LRRC49: variants seen among roughly 807,000 people sequenced by gnomAD.
LRRC49 encodes leucine rich repeat containing 49.
In LRRC49, 50 loss-of-function variants were observed where a neutral mutation model predicts 83.3. The observed-to-expected ratio is 0.60, with a 90% CI of 0.48 to 0.76. The LOEUF (loss-of-function observed/expected upper bound fraction) is 0.76, where lower values mean the gene tolerates loss of function less well. Among genes scored for constraint, LRRC49 ranks in the 30% least tolerant of loss-of-function variants. The probability of loss-of-function intolerance (pLI) is 0.00; values close to 1 mark genes in which losing one functional copy is unlikely to be tolerated. For synonymous variants in LRRC49, 286 were observed against 283.3 expected, an observed-to-expected ratio of 1.01 and a Z score of -0.10; for missense variants, 704 against 809.1, an observed-to-expected ratio of 0.87 and a Z score of 1.58.
intron 2 of LRRC49, among the ~76,000 whole-genome samples, chr15:70,876,748 A>G (rs143211717): frequency 6.6e-6 from 1 of 152,254 alleles, no homozygotes; most frequent in Non-Finnish European, 1.5e-5. Context: ...TCCTCACTCT[A>G]GGTCAATATT....
intron 11 of LRRC49, among the ~76,000 whole-genome samples, chr15:70,999,384 A>G (rs1398644102): frequency 6.6e-6 from 1 of 151,908 alleles, no homozygotes; most frequent in Non-Finnish European, 1.5e-5. Flanking sequence ...TGAAGACTGT[A>G]TTATTTAGCA....
chr15:70,952,068 A>T (rs978909514), intron 8 of LRRC49, among the ~76,000 whole-genome samples: 1 of 152,110 alleles, frequency 6.6e-6, no homozygotes, highest in Non-Finnish European at 1.5e-5. Context: ...AATCACATTT[A>T]TTGATTTGTG....
intron 14 of LRRC49, among the ~76,000 whole-genome samples, chr15:71,034,688 T>TGCCATGGAATAC (rs1398367124): frequency 1.3e-5 from 2 of 152,142 alleles, no homozygotes; most frequent in Non-Finnish European, 2.9e-5. Flanking sequence ...CCATGGAATA[T>TGCCATGGAATAC]GCCATGGAAT....
At chr15:71,003,918 C>T (rs555943122) in intron 11 of LRRC49, among the ~76,000 whole-genome samples, 1 of 152,266 alleles carries the variant, frequency 6.6e-6, no homozygotes, top group South Asian at 2.1e-4. Flanking sequence ...GTCTCTTACT[C>T]ATCCCCTACA....
intron 11 of LRRC49, among the ~76,000 whole-genome samples, chr15:70,990,817 GCC>G (rs2037850438): frequency 1.3e-5 from 2 of 152,152 alleles, no homozygotes; most frequent in African/African-American, 4.8e-5. Flanking sequence ...GTGTTTTTCT[GCC>G]CTAACACCAA....
intron 15 of LRRC49, among the ~76,000 whole-genome samples, chr15:71,044,635 A>C (rs531937425): frequency 6.6e-6 from 1 of 151,734 alleles, no homozygotes; most frequent in Non-Finnish European, 1.5e-5. Flanking sequence ...CAAAAAATAA[A>C]ATTAGCTGGG....
chr15:70,855,960 G>A (rs770962561), intron 1 of LRRC49, among the ~76,000 whole-genome samples: 4 of 152,068 alleles, frequency 2.6e-5, no homozygotes, highest in Non-Finnish European at 5.9e-5. Context: ...TGATAATTTC[G>A]GTTCCTGAAT....
rs190497351 is a variant in LRRC49 at position 70,893,081 on chromosome 15, T to G, written c.48+139T>G. The G allele has an allele frequency of 1.2e-4, 119 of 969,072 alleles. No homozygotes were observed. The African/African-American group carries it at 1.8e-3, about 15-fold the overall frequency. 60.0% of individuals were successfully genotyped at this position (969,072 alleles called of 1,614,324 possible). ...GCTATTGTCTGACCAGGGTTTGAGG[T>G]TCGTGGGCTGGACCAAGGCACAATT... is the stretch of plus-strand genomic sequence containing the variant. On this transcript the variant is annotated intron_variant, in intron 1 of 15. Transcript: ENST00000260382.
intron 7 of LRRC49, among the ~76,000 whole-genome samples, chr15:70,930,330 A>G (rs2035360286): frequency 6.6e-6 from 1 of 152,198 alleles, no homozygotes; most frequent in Admixed American, 6.5e-5. Flanking sequence ...TTTTGAAAGG[A>G]AAATTTTTTC....
chr15:70,912,724 T>A (rs1300083862), intron 6 of LRRC49, among the ~76,000 whole-genome samples: 1 of 152,170 alleles, frequency 6.6e-6, no homozygotes, highest in Admixed American at 6.5e-5. Flanking sequence ...TCGCCCAGGC[T>A]GGAGTGCAGT....
chr15:70,934,142 T>C (rs1413807004), intron 7 of LRRC49, among the ~76,000 whole-genome samples: 1 of 152,192 alleles, frequency 6.6e-6, no homozygotes, highest in Non-Finnish European at 1.5e-5. Context: ...ATCTTATATA[T>C]ATCCCATCTT....
At chr15:71,024,550 C>A (rs2039098236) in intron 14 of LRRC49, among the ~76,000 whole-genome samples, 2 of 151,798 alleles carry the variant, frequency 1.3e-5, no homozygotes, top group African/African-American at 4.8e-5. Flanking sequence ...AGGAAAGCAA[C>A]AACAACAACA....
intron 1 of LRRC49, among the ~76,000 whole-genome samples, chr15:70,858,147 GT>G (rs1380086380): frequency 1.3e-5 from 2 of 152,128 alleles, no homozygotes; most frequent in Non-Finnish European, 2.9e-5. Flanking sequence ...TAATAAATCA[GT>G]TTTTTTCTAG....
At chr15:71,044,273 A>G (rs138777791) in intron 15 of LRRC49, among the ~76,000 whole-genome samples, 1 of 152,300 alleles carries the variant, frequency 6.6e-6, no homozygotes, top group African/African-American at 2.4e-5. Context: ...AAATCTGTAC[A>G]TACTTTTAAG....
At chr15:70,946,633 T>C (rs1339850963) in intron 8 of LRRC49, among the ~76,000 whole-genome samples, 1 of 152,134 alleles carries the variant, frequency 6.6e-6, no homozygotes, top group African/African-American at 2.4e-5. Context: ...GTTCATATGG[T>C]AGCTCTAATT....
At chr15:70,939,751 C>T (rs768422851) in intron 8 of LRRC49, among the ~76,000 whole-genome samples, 3 of 151,866 alleles carry the variant, frequency 2.0e-5, no homozygotes, top group South Asian at 2.1e-4. Context: ...TCTTCTCTGC[C>T]GGAATGACCT....
chr15:70,990,211 TG>T (rs1383827332), intron 11 of LRRC49, among the ~76,000 whole-genome samples: 2 of 152,164 alleles, frequency 1.3e-5, no homozygotes, highest in Non-Finnish European at 2.9e-5. Context: ...GCTGTCTTTT[TG>T]TTTGTCTGTG....
chr15:71,049,675 G>C lies in LRRC49; in HGVS notation c.*63G>C. 9.5e-7 allele frequency: 1 copy of C among 1,051,348 alleles called. No homozygotes were observed. The highest frequency in any genetic ancestry group is 1.4e-6 in the Non-Finnish European group (1 of 696,780). The allele number at this position is 1,051,348 out of a possible 1,614,324, so 65.1% of individuals were successfully genotyped here. ...TTTTTTGAAGGTTGAAAATATGCAG[G>C]TTATACATGTTAAAACAACAACAAC... is the stretch of plus-strand genomic sequence containing the variant. On this transcript the variant is annotated 3_prime_UTR_variant, in exon 16 of 16. Transcript: ENST00000260382.
At chr15:70,984,975 C>G (rs1262509802) in intron 11 of LRRC49, among the ~76,000 whole-genome samples, 1 of 144,200 alleles carries the variant, frequency 6.9e-6, no homozygotes, top group African/African-American at 2.6e-5. Context: ...TTTTTTATGG[C>G]TGCATAGTAT....
Sources: allele counts gnomAD v4.1 joint callset (sites outside exome capture counted in the v4.1 genomes callset), GRCh38; gene constraint gnomAD v4.1.1; transcripts MANE v1.5; gene names NCBI Gene and HGNC (gene_info 2026-07-23, HGNC 2026-07-21).